EARS2: variants seen among roughly 807,000 people sequenced by gnomAD.
The protein encoded by EARS2 is glutamyl-tRNA synthetase 2, mitochondrial.
A neutral mutation model predicts 54.1 loss-of-function variants in EARS2; 50 were observed. That is an observed-to-expected ratio of 0.92 (90% CI 0.74 to 1.17). The LOEUF is 1.17. Ranked by LOEUF, EARS2 falls within the 50% of genes most tolerant of loss-of-function variation. EARS2 has a pLI of 0.00. For missense variants in EARS2, 673 were observed against 675.0 expected (o/e 1.00, Z 0.03); for synonymous variants, 298 against 281.0 (o/e 1.06, Z -0.61).
chr16:23,546,523 G>A (rs1222671685), intron 2 of EARS2: 2 of 445,972 alleles, frequency 4.5e-6, no homozygotes, highest in Non-Finnish European at 9.0e-6. Context: ...CTCATCAAGT[G>A]GCCTGTGACC....
At chr16:23,555,709 G>A (rs903538537) in intron 1 of EARS2, among the ~76,000 whole-genome samples, 28 of 152,250 alleles carry the variant, frequency 1.8e-4, no homozygotes, top group Admixed American at 1.5e-3. Flanking sequence ...GTTGTTTTGA[G>A]ATGGAGTCTC....
Position 23,521,187 on chromosome 16 carries a change from G to A in EARS2, c.*3184C>T, listed in dbSNP as rs1323005856. ...TAAATATACAGTTCAGCGGCATTAC[G>A]TATCTTTATAATGTTGTGCAATTAT... On this transcript the variant is annotated 3_prime_UTR_variant, in exon 9 of 9. Transcript: ENST00000449606. Among the ~76,000 whole-genome samples the A allele has an allele frequency of 6.6e-6, 1 of 152,032 alleles. No homozygotes were observed. The highest frequency in any genetic ancestry group is 1.5e-5 in the Non-Finnish European group (1 of 68,008).
chr16:23,521,680 T>G lies in EARS2; in HGVS notation c.*2691A>C, dbSNP rs1397604751. On this transcript the variant is annotated 3_prime_UTR_variant, in exon 9 of 9. Coordinates refer to ENST00000449606, the MANE Select transcript of EARS2 (RefSeq NM_001083614.2). ...CTCACAAAGCATTAGGACGTATTTG[T>G]CCTTTTGTGACTGACATTTCATTTA... The G allele has an allele frequency of 2.2e-6, 1 of 454,494 alleles. No individual in the cohort carries two copies. The allele number at this position is 454,494 out of a possible 1,614,324, so 28.2% of individuals were successfully genotyped here.
intron 7 of EARS2, among the ~76,000 whole-genome samples, chr16:23,527,336 G>A (rs1567378148): frequency 6.6e-6 from 1 of 152,060 alleles, no homozygotes; most frequent in African/African-American, 2.4e-5. Context: ...CATCTTTCTG[G>A]TGCAGATGGT....
chr16:23,530,900 T>A (rs1965315564), intron 5 of EARS2, among the ~76,000 whole-genome samples: 1 of 150,766 alleles, frequency 6.6e-6, no homozygotes, highest in African/African-American at 2.4e-5. Flanking sequence ...AGAGGCATTT[T>A]TTTTTTTTGA....
intron 5 of EARS2, among the ~76,000 whole-genome samples, chr16:23,530,523 C>T (rs890105679): frequency 6.6e-6 from 1 of 151,616 alleles, no homozygotes; most frequent in Non-Finnish European, 1.5e-5. Context: ...GTGCGACCTC[C>T]GCTCACTGCA....
intron 2 of EARS2, among the ~76,000 whole-genome samples, chr16:23,549,987 C>G (rs868641156): frequency 2.4e-4 from 37 of 152,188 alleles, no homozygotes; most frequent in African/African-American, 8.4e-4. Flanking sequence ...GCCCTATCTA[C>G]AAGGGCATCC....
intron 7 of EARS2, among the ~76,000 whole-genome samples, chr16:23,529,250 T>C (rs180695057): frequency 6.6e-4 from 101 of 152,324 alleles, no homozygotes; most frequent in Non-Finnish European, 9.7e-4. Context: ...GGTGACATAA[T>C]CTGGTGAGTA....
intron 2 of EARS2, chr16:23,546,339 T>G (rs1204493333): frequency 2.2e-6 from 1 of 454,596 alleles, no homozygotes; most frequent in African/African-American, 2.0e-5. Context: ...CTACCCTCAA[T>G]GCTAACACAA....
rs779839876 is a variant in EARS2, at chr16:23,552,345, CTAATAGG to C, written c.140-48_140-42del. The C allele has an allele frequency of 4.4e-6, 7 of 1,603,442 alleles. No individual in the cohort carries two copies. The South Asian group carries it at 7.7e-5, about 18-fold the overall frequency. Reference sequence around the variant, plus strand: ...GCTCAGATAAGACAGGGAAGATAAGCTAATAGGCCTCAGCAAGGGGCAAGTAAGCACT... The same window carrying C: ...GCTCAGATAAGACAGGGAAGATAAGCCCTCAGCAAGGGGCAAGTAAGCACT... On this transcript the variant is annotated intron_variant, in intron 1 of 8. Transcript: ENST00000449606.
chr16:23,527,546 C>A (rs997876944), intron 7 of EARS2, among the ~76,000 whole-genome samples: 1 of 132,488 alleles, frequency 7.5e-6, no homozygotes, highest in Non-Finnish European at 1.5e-5. Flanking sequence ...CAAGAGTGAT[C>A]GTTCTTTTTT....
At chr16:23,526,507 C>G (rs1454003580) in intron 7 of EARS2, among the ~76,000 whole-genome samples, 1 of 152,042 alleles carries the variant, frequency 6.6e-6, no homozygotes, top group East Asian at 1.9e-4. Context: ...ACAAAAGGAT[C>G]TAAAAAGAAA....
intron 2 of EARS2, 94 bp downstream of exon 2, chr16:23,552,055 T>G: frequency 6.7e-7 from 1 of 1,487,986 alleles, no homozygotes; most frequent in Non-Finnish European, 9.1e-7. Flanking sequence ...GAACTCCCCA[T>G]TTTCCACTCA....
rs34153998 is a variant in EARS2, at chr16:23,538,973, C to CT, written c.486-3614dup. Among the ~76,000 whole-genome samples the CT allele has an allele frequency of 5.1e-3, 431 of 83,826 alleles. 8 individuals carry two copies. The highest frequency in any genetic ancestry group is 0.012 in the African/African-American group (260 of 21,374). The allele number at this position is 83,826 out of a possible 152,430, so 55.0% of individuals were successfully genotyped here. ...ATTCTCAACAGTTATGGCCCCCCTCCTTTTTTTTTTTTTTTTTTTTTTGAG... is the reference window on the plus strand; with the variant it reads ...ATTCTCAACAGTTATGGCCCCCCTCCTTTTTTTTTTTTTTTTTTTTTTTGAG... On this transcript the variant is annotated intron_variant, in intron 3 of 8. Coordinates refer to ENST00000449606, the MANE Select transcript of EARS2 (RefSeq NM_001083614.2).
chr16:23,524,646 C>CTTTT (rs1172358291), intron 8 of EARS2, among the ~76,000 whole-genome samples, 192 bp from the exon 9 acceptor site: 2 of 132,686 alleles, frequency 1.5e-5, no homozygotes, highest in Non-Finnish European at 1.6e-5. Context: ...AACCACCGCC[C>CTTTT]TTTTTTTTTT....
At position 23,552,978 on chromosome 16, in the gene EARS2, T is replaced by A. The variant is rs1423830320; in HGVS notation, c.140-674A>T. The A allele has an allele frequency of 9.2e-6, 3 of 327,302 alleles. 1 individual carries two copies. Among genetic ancestry groups the A allele is most frequent in the Admixed American group, 7.6e-5 (2 of 26,316 alleles). 20.3% of individuals were successfully genotyped at this position (327,302 alleles called of 1,614,324 possible). On this transcript the variant is annotated intron_variant, in intron 1 of 8. Transcript: ENST00000449606. ...GGTGAGACCTTGTCTTAGCAAAAAA[T>A]ATAAAAATTTAGCTGGGCATGGTGG...
chr16:23,521,959 T>C lies in EARS2; in HGVS notation c.*2412A>G. 5.3e-6 allele frequency: 2 copies of C among 380,562 alleles called. No homozygotes were observed. The highest frequency in any genetic ancestry group is 1.1e-5 in the Non-Finnish European group (2 of 189,260). The allele number at this position is 380,562 out of a possible 1,614,324, so 23.6% of individuals were successfully genotyped here. ...TATAACCTCGGAAGTTTTAGTTAAC[T>C]TTTCAGAACCTCGGTTTCCATATCT... On this transcript the variant is annotated 3_prime_UTR_variant, in exon 9 of 9. Coordinates refer to ENST00000449606, the MANE Select transcript of EARS2 (RefSeq NM_001083614.2).
At chr16:23,557,132 C>T (rs750449819) in intron 1 of EARS2, 73 bp downstream of exon 1, 21 of 1,483,906 alleles carry the variant, frequency 1.4e-5, no homozygotes, top group Non-Finnish European at 1.7e-5. Flanking sequence ...GGAAAGGATT[C>T]ATTCGGGAAC....
At chr16:23,525,093 T>C (rs1965202118) in intron 8 of EARS2, 151 bp downstream of exon 8, 2 of 978,258 alleles carry the variant, frequency 2.0e-6, no homozygotes, top group Non-Finnish European at 3.2e-6. Context: ...AGGTACTCAA[T>C]AGTGTCTGTT....
Sources: allele counts gnomAD v4.1 joint callset (sites outside exome capture counted in the v4.1 genomes callset), GRCh38; gene constraint gnomAD v4.1.1; transcripts MANE v1.5; gene names NCBI Gene and HGNC (gene_info 2026-07-23, HGNC 2026-07-21).